MYO1B: variants seen among roughly 807,000 people sequenced by gnomAD.
MYO1B encodes unconventional myosin-Ib.
Under a neutral mutation model 159.7 loss-of-function variants are expected in MYO1B, and 72 were observed. That is an observed-to-expected ratio of 0.45 (90% confidence interval 0.37 to 0.55). The LOEUF is 0.55. MYO1B is among the 20% of genes least tolerant of loss of function. The pLI is 0.00. For synonymous variants in MYO1B, 468 were observed against 473.8 expected, an observed-to-expected ratio of 0.99 and a Z score of 0.16; for missense variants, 1,062 against 1,364.8, an observed-to-expected ratio of 0.78 and a Z score of 3.50.
intron 29 of MYO1B, among the ~76,000 whole-genome samples, chr2:191,415,330 T>C (rs901189227): frequency 6.6e-6 from 1 of 152,188 alleles, no homozygotes; most frequent in African/African-American, 2.4e-5. Context: ...ATTGATCATA[T>C]GTAGGGACAT....
At position 191,353,099 on chromosome 2, in the gene MYO1B, T is replaced by A. The variant is rs114743276; in HGVS notation, c.562+2874T>A. 7.2e-3 allele frequency among the ~76,000 whole-genome samples: 1,097 copies of A among 152,296 alleles called. 20 individuals carry two copies. The highest frequency in any genetic ancestry group is 0.024 in the African/African-American group (1,008 of 41,576). Reference sequence around the variant, plus strand: ...TTTTCTAAAAGAGACAAATTAAGTCTGGGACTCACTTGAAAACTACATATC... The same window carrying A: ...TTTTCTAAAAGAGACAAATTAAGTCAGGGACTCACTTGAAAACTACATATC... On this transcript the variant is annotated intron_variant, in intron 7 of 30. Transcript: ENST00000392318.
intron 30 of MYO1B, among the ~76,000 whole-genome samples, chr2:191,420,527 A>G (rs1697872789): frequency 6.6e-6 from 1 of 152,216 alleles, no homozygotes; most frequent in Non-Finnish European, 1.5e-5. Flanking sequence ...AGTTACCTAC[A>G]GTACAATAAC....
chr2:191,276,644 G>A (rs1687769722), intron 1 of MYO1B, among the ~76,000 whole-genome samples: 1 of 152,062 alleles, frequency 6.6e-6, no homozygotes, highest in South Asian at 2.1e-4. Context: ...TTCTGTAGGT[G>A]GACTTCACCA....
chr2:191,390,309 A>G lies in MYO1B; in HGVS notation c.1799A>G (p.Asp600Gly), dbSNP rs748854548. 3.1e-6 allele frequency: 5 copies of G among 1,613,628 alleles called. No homozygotes were observed. The Admixed American group carries it at 5.0e-5, about 16-fold the overall frequency. Residue 600 changes from aspartate (D) to glycine (G), a missense_variant, in exon 18 of 31, where the codon GAT (aspartate) becomes GGT (glycine). By Grantham distance (94) the Asp-to-Gly change is moderately conservative (BLOSUM62 -1). Coordinates refer to ENST00000392318, the MANE Select transcript of MYO1B (RefSeq NM_001130158.3). ...PNYIRCIKPNDKKAAHIFNEA... is the reference protein window; with the variant it reads ...PNYIRCIKPNGKKAAHIFNEA... ...TCTTTAAGGTGTATCAAACCGAATG[A>G]TAAAAAAGCAGCACACATCTTCAAC... is the stretch of plus-strand genomic sequence containing the variant.
chr2:191,326,770 A>ATGTGTGTGTGTGTGTG (rs35184577), intron 3 of MYO1B, among the ~76,000 whole-genome samples: 2 of 137,060 alleles, frequency 1.5e-5, no homozygotes, highest in South Asian at 2.5e-4. Context: ...GTTTGTATAT[A>ATGTGTGTGTGTGTGTG]TGTGTGTGTG....
chr2:191,340,759 T>C (rs1692168498), intron 4 of MYO1B, among the ~76,000 whole-genome samples: 1 of 151,838 alleles, frequency 6.6e-6, no homozygotes, highest in Non-Finnish European at 1.5e-5. Flanking sequence ...AGAGTCTTGC[T>C]CTGTTGCCAA....
intron 10 of MYO1B, 34 bp downstream of exon 10, chr2:191,363,909 G>A (rs1574514738): frequency 1.2e-6 from 2 of 1,612,848 alleles, no homozygotes; most frequent in Middle Eastern, 1.7e-4. Context: ...TGTTTGTTTA[G>A]GAAACTTGCT....
intron 4 of MYO1B, among the ~76,000 whole-genome samples, chr2:191,337,578 A>G (rs551511573): frequency 6.6e-6 from 1 of 152,160 alleles, no homozygotes; most frequent in African/African-American, 2.4e-5. Context: ...TTTTGACCCC[A>G]GAGGCTTCAT....
chr2:191,346,318 T>C, intron 6 of MYO1B, 36 bp downstream of exon 6: 1 of 1,425,490 alleles, frequency 7.0e-7, no homozygotes, highest in Non-Finnish European at 9.4e-7. Flanking sequence ...TTAACACTAA[T>C]ATTTAGCTCA....
chr2:191,381,522 A>G lies in MYO1B; in HGVS notation c.1246A>G (p.Ile416Val), dbSNP rs1341173715. 6 of 1,613,452 alleles carry G rather than the reference A, an allele frequency of 3.7e-6. No individual in the cohort carries two copies. Among genetic ancestry groups the G allele is most frequent in the Non-Finnish European group, 5.1e-6 (6 of 1,179,698 alleles). ...YCNEKLQQIF[I>V]ELTLKEEQEE... The stretch of plus-strand genomic sequence containing the variant: ...TAACGAAAAGCTGCAACAAATCTTC[A>G]TTGAACTTACTCTTAAAGAAGAGCA... Residue 416 changes from isoleucine to valine, a missense_variant, in exon 14 of 31, where the codon ATT becomes GTT. Physicochemically the swap from Ile to Val is conservative, Grantham distance 29. Around this residue, in one of 5 missense-constraint regions of MYO1B, gnomAD observed 415 missense variants for 544.0 expected, o/e 0.76. Transcript: ENST00000392318.
At chr2:191,404,125 T>C (rs888722004) in intron 24 of MYO1B, among the ~76,000 whole-genome samples, 4 of 152,192 alleles carry the variant, frequency 2.6e-5, no homozygotes, top group Admixed American at 6.5e-5. Context: ...ACTTTTTTTT[T>C]CTAAAAGAGA....
chr2:191,378,237 CTGTT>C (rs1172786086), intron 13 of MYO1B, among the ~76,000 whole-genome samples: 4 of 152,130 alleles, frequency 2.6e-5, no homozygotes, highest in African/African-American at 7.2e-5. Context: ...ACTGCCCTGA[CTGTT>C]TGGGTGGATG....
rs1439737366 is a variant in MYO1B at position 191,381,456 on chromosome 2, A to G, written c.1186-6A>G. The G allele has an allele frequency of 4.3e-6, 7 of 1,610,660 alleles. No homozygotes were observed. The Admixed American group carries it at 5.0e-5, about 12-fold the overall frequency. ...TATAAAGCTGTTTTTCATTTTCTCC[A>G]TACAGGACAACAGCTTTGAGCAGTT... is the stretch of plus-strand genomic sequence containing the variant. On this transcript the variant is annotated splice_polypyrimidine_tract_variant and splice_region_variant and intron_variant, in intron 13 of 30. Transcript: ENST00000392318.
chr2:191,371,617 A>G (rs1189262165), intron 13 of MYO1B, among the ~76,000 whole-genome samples: 2 of 152,160 alleles, frequency 1.3e-5, no homozygotes, highest in African/African-American at 2.4e-5. Flanking sequence ...GGCCCTTTTA[A>G]TATTTTCATT....
At chr2:191,264,866 C>T (rs998638093) in intron 1 of MYO1B, among the ~76,000 whole-genome samples, 16 of 151,566 alleles carry the variant, frequency 1.1e-4, no homozygotes, top group African/African-American at 3.9e-4. Context: ...GTTGAATCAA[C>T]AGCGTTGGAA....
Position 191,424,070 on chromosome 2 carries a change from G to A in MYO1B, c.*110G>A. 1 of 1,259,830 alleles carries A rather than the reference G, an allele frequency of 7.9e-7. No individual in the cohort carries two copies. 78.0% of individuals were successfully genotyped at this position (1,259,830 alleles called of 1,614,324 possible). A position where few individuals can be genotyped will look rare whatever the true frequency, so the allele number is the denominator to read the frequency against. On this transcript the variant is annotated 3_prime_UTR_variant, in exon 31 of 31. Coordinates refer to ENST00000392318, the MANE Select transcript of MYO1B (RefSeq NM_001130158.3). Reference sequence around the variant, plus strand: ...TTGGGAATCACCAAAGGCTTTTAGAGTTCTTTGGCAAAATAAAAATATTTG... The same window carrying A: ...TTGGGAATCACCAAAGGCTTTTAGAATTCTTTGGCAAAATAAAAATATTTG...
intron 1 of MYO1B, among the ~76,000 whole-genome samples, chr2:191,248,337 A>T (rs1414040080): frequency 1.3e-5 from 2 of 152,216 alleles, no homozygotes; most frequent in Admixed American, 6.5e-5. Flanking sequence ...TCCTAGATTT[A>T]CAATGGGGTT....
At chr2:191,332,519 C>T (rs562096746) in intron 4 of MYO1B, among the ~76,000 whole-genome samples, 2 of 152,238 alleles carry the variant, frequency 1.3e-5, no homozygotes, top group South Asian at 4.1e-4. Flanking sequence ...GATGCTTTCC[C>T]TTCCCTTAGG....
At chr2:191,384,140 T>G (rs1464606192) in intron 15 of MYO1B, among the ~76,000 whole-genome samples, 1 of 152,230 alleles carries the variant, frequency 6.6e-6, no homozygotes, top group African/African-American at 2.4e-5. Context: ...AAGATTTTTG[T>G]TTTTAGATCA....
Sources: allele counts gnomAD v4.1 joint callset (sites outside exome capture counted in the v4.1 genomes callset), GRCh38; gene constraint gnomAD v4.1.1; regional missense constraint gnomAD v4.1.1; transcripts MANE v1.5; gene names NCBI Gene and HGNC (gene_info 2026-07-23, HGNC 2026-07-21).